SPAG16: variants seen among roughly 807,000 people sequenced by gnomAD.
The protein encoded by SPAG16 is sperm associated antigen 16.
SPAG16 carries 86 observed loss-of-function variants against 80.4 expected under a neutral mutation model. The observed-to-expected ratio is 1.07, with a 90% CI of 0.90 to 1.28. The LOEUF (loss-of-function observed/expected upper bound fraction) is 1.28. Ranked by LOEUF, SPAG16 falls within the 50% of genes most tolerant of loss-of-function variation. The probability of loss-of-function intolerance (pLI) is 0.00; values close to 1 mark genes in which losing one functional copy is unlikely to be tolerated. For missense variants in SPAG16, 870 were observed against 765.3 expected (o/e 1.14, Z -1.61); for synonymous variants, 294 against 265.9 (o/e 1.11, Z -1.03).
intron 15 of SPAG16, among the ~76,000 whole-genome samples, chr2:214,323,248 G>A (rs1321584068): frequency 6.6e-6 from 1 of 151,994 alleles, no homozygotes; most frequent in African/African-American, 2.4e-5. Context: ...TGCTTTTAAA[G>A]GGTGACCTGG....
At chr2:213,956,712 A>C (rs1272769844) in intron 12 of SPAG16, among the ~76,000 whole-genome samples, 1 of 151,898 alleles carries the variant, frequency 6.6e-6, no homozygotes, top group Non-Finnish European at 1.5e-5. Flanking sequence ...TGGCCTCCCA[A>C]ATTGCTGGGA....
chr2:214,401,832 G>T (rs1304926124), intron 15 of SPAG16, among the ~76,000 whole-genome samples: 4 of 151,898 alleles, frequency 2.6e-5, no homozygotes. Context: ...ACCTATAAGT[G>T]AATTTTGTAA....
chr2:213,589,283 A>G (rs1374930201), intron 10 of SPAG16, among the ~76,000 whole-genome samples: 1 of 152,262 alleles, frequency 6.6e-6, no homozygotes. Flanking sequence ...CTACATCATT[A>G]CTTTATATAA....
intron 10 of SPAG16, among the ~76,000 whole-genome samples, chr2:213,649,608 AC>A (rs2062951412): frequency 6.6e-6 from 1 of 152,118 alleles, no homozygotes; most frequent in Non-Finnish European, 1.5e-5. Flanking sequence ...ACAGGATCTC[AC>A]TGTCATCCAG....
intron 10 of SPAG16, among the ~76,000 whole-genome samples, chr2:213,530,998 T>G (rs1360169017): frequency 6.6e-6 from 1 of 152,206 alleles, no homozygotes; most frequent in East Asian, 1.9e-4. Context: ...TTTTAATTCC[T>G]GAAATATCTG....
chr2:213,297,070 T>C, intron 2 of SPAG16, 192 bp from the exon 3 acceptor site: 1 of 1,428,370 alleles, frequency 7.0e-7, no homozygotes, highest in Non-Finnish European at 9.3e-7. Context: ...AGAAGTGACG[T>C]TTATTGACAT....
chr2:213,292,679 A>ACAACAAC lies in SPAG16; in HGVS notation c.137-3385_137-3384insCAACAAC, dbSNP rs1559377369. Among the ~76,000 whole-genome samples, 28 of 113,520 alleles carry ACAACAAC rather than the reference A, an allele frequency of 2.5e-4. 1 individual carries two copies. Among genetic ancestry groups the ACAACAAC allele is most frequent in the South Asian group, 1.7e-3 (7 of 4,224 alleles). 74.5% of individuals were successfully genotyped at this position (113,520 alleles called of 152,430 possible). On this transcript the variant is annotated intron_variant, in intron 1 of 15. Coordinates refer to ENST00000331683, the MANE Select transcript of SPAG16 (RefSeq NM_024532.5). The stretch of plus-strand genomic sequence containing the variant: ...ACTCCGTCTCAAAAAAAAAAAACAA[A>ACAACAAC]AAAAACAAAAAAAAACAAAACTATC...
intron 13 of SPAG16, among the ~76,000 whole-genome samples, chr2:214,028,683 T>G (rs1347518508): frequency 1.3e-5 from 2 of 152,100 alleles, no homozygotes. Flanking sequence ...ATATTAACAT[T>G]GAAATCACTT....
At chr2:213,394,806 T>G (rs1419872477) in intron 9 of SPAG16, among the ~76,000 whole-genome samples, 1 of 152,226 alleles carries the variant, frequency 6.6e-6, no homozygotes, top group Non-Finnish European at 1.5e-5. Context: ...AGTTGTTGAT[T>G]CTCTTTAAAA....
chr2:213,861,354 C>T (rs1244995054), intron 10 of SPAG16, among the ~76,000 whole-genome samples: 1 of 152,076 alleles, frequency 6.6e-6, no homozygotes, highest in East Asian at 1.9e-4. Flanking sequence ...AGTTAGCTAG[C>T]CATGTTGGTG....
chr2:214,038,275 G>GTT (rs1194601675), intron 13 of SPAG16, among the ~76,000 whole-genome samples: 5 of 151,980 alleles, frequency 3.3e-5, no homozygotes, highest in Admixed American at 3.3e-4. Context: ...GTTTTAACAT[G>GTT]TTTCTGTGTT....
At chr2:214,169,536 C>T (rs2125629252) in intron 15 of SPAG16, among the ~76,000 whole-genome samples, 1 of 152,112 alleles carries the variant, frequency 6.6e-6, no homozygotes, top group South Asian at 2.1e-4. Context: ...AGATTAGCCC[C>T]ATTGATATTC....
intron 15 of SPAG16, among the ~76,000 whole-genome samples, chr2:214,363,805 T>A (rs1005039166): frequency 1.3e-5 from 2 of 152,048 alleles, no homozygotes; most frequent in African/African-American, 4.8e-5. Flanking sequence ...AATTTCTAGG[T>A]GAGTATCCTT....
intron 15 of SPAG16, chr2:214,238,749 T>C (rs1180228744): frequency 1.3e-5 from 2 of 151,620 alleles, no homozygotes; most frequent in Non-Finnish European, 2.9e-5. Context: ...AAAAATGTAA[T>C]TCTTGAAGCT....
chr2:213,892,453 A>G lies in SPAG16; in HGVS notation c.1214+29825A>G, dbSNP rs139291891. Among the ~76,000 whole-genome samples the G allele has an allele frequency of 7.2e-5, 11 of 152,288 alleles. No homozygotes were observed. The East Asian group carries it at 2.1e-3, about 29-fold the overall frequency. On this transcript the variant is annotated intron_variant, in intron 11 of 15. Transcript: ENST00000331683. The stretch of plus-strand genomic sequence containing the variant: ...ACAGGAAACCATGATTTCCCCAAAC[A>G]TAAAAAACAAGGAATTAATAAGTGA...
At chr2:213,583,880 TA>T (rs2060378119) in intron 10 of SPAG16, among the ~76,000 whole-genome samples, 1 of 152,216 alleles carries the variant, frequency 6.6e-6, no homozygotes, top group Non-Finnish European at 1.5e-5. Flanking sequence ...AGATTGATGT[TA>T]AAAATAATTT....
chr2:213,677,601 C>A (rs192982957), intron 10 of SPAG16, among the ~76,000 whole-genome samples: 142 of 152,184 alleles, frequency 9.3e-4, no homozygotes, highest in African/African-American at 3.3e-3. Context: ...AATACAGGAG[C>A]ACCCAGATTC....
rs570163771 is a variant in SPAG16, at chr2:213,362,821, C to T, written c.763-1255C>T. Among the ~76,000 whole-genome samples the T allele has an allele frequency of 1.2e-4, 19 of 152,220 alleles. 1 individual carries two copies. The South Asian group carries it at 2.7e-3, about 22-fold the overall frequency. ...TTATAAGGAAAAGAGGTTTATTTGG[C>T]GCATGGTTCTGCAGGCTGTAGAAGA... On this transcript the variant is annotated intron_variant, in intron 7 of 15. Transcript: ENST00000331683.
chr2:213,757,591 T>C (rs73986934), intron 10 of SPAG16, among the ~76,000 whole-genome samples: 2,591 of 152,270 alleles, frequency 0.017, 30 homozygotes, highest in South Asian at 0.051. Context: ...CTATTTTGGA[T>C]TTTTGACATC....
Sources: allele counts gnomAD v4.1 joint callset (sites outside exome capture counted in the v4.1 genomes callset), GRCh38; gene constraint gnomAD v4.1.1; transcripts MANE v1.5; gene names NCBI Gene and HGNC (gene_info 2026-07-23, HGNC 2026-07-21).